Variants in UBAC2 observed in about 807,000 individuals in gnomAD.
The protein encoded by UBAC2 is ubiquitin-associated domain-containing protein 2.
UBAC2 carries 26 observed loss-of-function variants against 44.0 expected under a neutral mutation model. The ratio of observed to expected loss-of-function variants is 0.59; its 90% confidence interval spans 0.43 to 0.82. UBAC2 has a LOEUF of 0.82. Ranked by LOEUF, UBAC2 falls within the 40% of genes least tolerant of loss-of-function variation. UBAC2 has a pLI of 0.00. For missense variants in UBAC2, 329 were observed against 419.4 expected, an observed-to-expected ratio of 0.78 and a Z score of 1.88; for synonymous variants, 155 against 154.3, an observed-to-expected ratio of 1.00 and a Z score of -0.04.
chr13:99,309,582 A>G (rs1006168491), intron 4 of UBAC2, among the ~76,000 whole-genome samples: 1 of 152,168 alleles, frequency 6.6e-6, no homozygotes, highest in Admixed American at 6.5e-5. Context: ...CTGTAAAAGT[A>G]GAGTTGGCCT....
At chr13:99,315,620 C>T (rs765348930) in intron 5 of UBAC2, among the ~76,000 whole-genome samples, 1 of 152,002 alleles carries the variant, frequency 6.6e-6, no homozygotes, top group African/African-American at 2.4e-5. Context: ...TTTTCTGAGC[C>T]CCCATTTCCC....
intron 8 of UBAC2, chr13:99,372,736 A>G (rs181294892): frequency 1.3e-5 from 2 of 152,530 alleles, no homozygotes; most frequent in Admixed American, 1.3e-4. Flanking sequence ...TTTGTCAACA[A>G]CAACAGCAAA....
At chr13:99,210,686 AG>A in intron 1 of UBAC2, among the ~76,000 whole-genome samples, 1 of 152,100 alleles carries the variant, frequency 6.6e-6, no homozygotes, top group Non-Finnish European at 1.5e-5. Flanking sequence ...CATTTTGGTC[AG>A]GCTGGTCTCA....
chr13:99,374,429 A>G (rs1465766542), intron 8 of UBAC2, among the ~76,000 whole-genome samples: 2 of 152,222 alleles, frequency 1.3e-5, no homozygotes, highest in African/African-American at 2.4e-5. Flanking sequence ...ATGGCGTCCC[A>G]TAATTTTGGT....
intron 2 of UBAC2, among the ~76,000 whole-genome samples, chr13:99,242,486 G>C (rs1461826827): frequency 6.9e-6 from 1 of 145,936 alleles, no homozygotes; most frequent in Non-Finnish European, 1.5e-5. Flanking sequence ...CCCCGACGGG[G>C]CGGCTGGCCG....
chr13:99,384,897 G>A (rs1049318934), intron 8 of UBAC2, among the ~76,000 whole-genome samples: 3 of 152,244 alleles, frequency 2.0e-5, no homozygotes, highest in African/African-American at 7.2e-5. Context: ...ACGCTGAGTC[G>A]TGTGTCCTCG....
intron 4 of UBAC2, chr13:99,254,781 A>T (rs2043510950): frequency 1.2e-6 from 1 of 869,012 alleles, no homozygotes; most frequent in East Asian, 2.6e-5. Flanking sequence ...TTTTCAAGAG[A>T]AAAGGGACTT....
chr13:99,340,058 A>ACCCAGC (rs2044860881), intron 6 of UBAC2, among the ~76,000 whole-genome samples: 1 of 152,018 alleles, frequency 6.6e-6, no homozygotes, highest in South Asian at 2.1e-4. Flanking sequence ...CTTTTACCAG[A>ACCCAGC]ACTTTGAATA....
At chr13:99,339,500 C>T (rs1265776667) in intron 6 of UBAC2, among the ~76,000 whole-genome samples, 2 of 152,196 alleles carry the variant, frequency 1.3e-5, no homozygotes, top group African/African-American at 4.8e-5. Context: ...TGGTGTGTAG[C>T]ACAGTCTCAA....
intron 1 of UBAC2, among the ~76,000 whole-genome samples, chr13:99,237,271 T>TACAC (rs57466771): frequency 0.011 from 1,643 of 145,004 alleles, 39 homozygotes; most frequent in African/African-American, 0.038. Context: ...TATATATATA[T>TACAC]ACACACACAC....
At chr13:99,275,033 A>G (rs903668195) in intron 4 of UBAC2, among the ~76,000 whole-genome samples, 21 of 152,142 alleles carry the variant, frequency 1.4e-4, no homozygotes, top group African/African-American at 3.9e-4. Flanking sequence ...GTCTTTGAAC[A>G]TGTCTTTTGT....
chr13:99,378,476 G>A lies in UBAC2; in HGVS notation c.928-6752G>A, dbSNP rs566630799. On this transcript the variant is annotated intron_variant, in intron 8 of 8. Transcript: ENST00000403766. ...CAGGAGGTGGAGGTTGCAGTGAGCC[G>A]AGATCACATCACTGCACTCCAACCT... Among the ~76,000 whole-genome samples, 11 of 152,288 alleles carry A rather than the reference G, an allele frequency of 7.2e-5. No individual in the cohort carries two copies. In the East Asian group the frequency reaches 2.1e-3, roughly 29 times the overall value.
In UBAC2 at chr13:99,232,411, T is replaced by G. The variant is rs927335726; in HGVS notation, c.32-6016T>G. The stretch of plus-strand genomic sequence containing the variant: ...TCCTTAGTTGAGAGATATAGATATA[T>G]ATATATATATTCACACACACATACT... On this transcript the variant is annotated intron_variant, in intron 1 of 8. Transcript: ENST00000403766. Among the ~76,000 whole-genome samples the G allele has an allele frequency of 2.1e-5, 3 of 141,216 alleles. 1 individual carries two copies. The highest frequency in any genetic ancestry group is 4.7e-5 in the Non-Finnish European group (3 of 63,704). The allele number at this position is 141,216 out of a possible 152,430, so 92.6% of individuals were successfully genotyped here. A position where few individuals can be genotyped will look rare whatever the true frequency, so the allele number is the denominator to read the frequency against.
chr13:99,256,007 G>A, intron 4 of UBAC2: 1 of 765,606 alleles, frequency 1.3e-6, no homozygotes, highest in Non-Finnish European at 2.1e-6. Context: ...TTTTAAGTTC[G>A]AGAGCATTTA....
intron 4 of UBAC2, among the ~76,000 whole-genome samples, chr13:99,284,872 ATG>A (rs1465271423): frequency 1.8e-4 from 28 of 152,194 alleles, no homozygotes; most frequent in Non-Finnish European, 4.4e-5. Context: ...GATGAAAATA[ATG>A]TGTAGTTTTC....
chr13:99,327,561 TG>T (rs1447558288), intron 6 of UBAC2, among the ~76,000 whole-genome samples: 1 of 152,144 alleles, frequency 6.6e-6, no homozygotes, highest in Non-Finnish European at 1.5e-5. Context: ...CCTTCTGTCT[TG>T]ATGATAGCCT....
chr13:99,320,106 A>G (rs1192056106), intron 6 of UBAC2, among the ~76,000 whole-genome samples: 1 of 152,218 alleles, frequency 6.6e-6, no homozygotes, highest in Non-Finnish European at 1.5e-5. Context: ...TTTTTAAAAC[A>G]CATTCCATTT....
intron 1 of UBAC2, among the ~76,000 whole-genome samples, chr13:99,217,523 T>C (rs2043010561): frequency 1.3e-5 from 2 of 152,178 alleles, no homozygotes; most frequent in Admixed American, 1.3e-4. Context: ...GCAGCCTTAC[T>C]TGTCACCCTG....
At chr13:99,258,035 A>C (rs1297152434) in intron 4 of UBAC2, 2 of 152,226 alleles carry the variant, frequency 1.3e-5, no homozygotes, top group African/African-American at 4.8e-5. Context: ...AAAGTGTTGG[A>C]GTTACAGGCG....
Sources: gnomAD v4.1 joint callset for allele counts (sites outside exome capture counted in the v4.1 genomes callset) on GRCh38, gnomAD v4.1.1 for gene constraint, MANE v1.5 for transcripts, NCBI Gene and HGNC (gene_info 2026-07-23, HGNC 2026-07-21) for gene names.